The following ABCB11 variants were observed in gnomAD, a reference collection of about 807,000 sequenced individuals.
ABCB11 encodes the protein ATP binding cassette subfamily B member 11, also known as bile salt export pump.
Under a neutral mutation model 148.0 loss-of-function variants are expected in ABCB11, and 95 were observed. The ratio of observed to expected loss-of-function variants is 0.64; its 90% CI spans 0.54 to 0.76. The LOEUF (loss-of-function observed/expected upper bound fraction) is 0.76. ABCB11 is among the 30% of genes least tolerant of loss of function. The pLI is 0.00. For missense variants in ABCB11, 1,523 were observed against 1,617.8 expected (o/e 0.94, Z 1.01); for synonymous variants, 591 against 555.4 (o/e 1.06, Z -0.90).
chr2:169,010,720 G>A (rs6751775), intron 5 of ABCB11, among the ~76,000 whole-genome samples: 18,361 of 151,978 alleles, frequency 0.12, 1,778 homozygotes, highest in African/African-American at 0.27. Context: ...TCATAAGATC[G>A]CGGTGATCTT....
At chr2:168,928,460 G>A (rs909660232) in intron 25 of ABCB11, among the ~76,000 whole-genome samples, 5 of 151,366 alleles carry the variant, frequency 3.3e-5, no homozygotes, top group Admixed American at 6.6e-5. Context: ...GAGCAAAGAG[G>A]ACTTTGAAAA....
intron 17 of ABCB11, among the ~76,000 whole-genome samples, chr2:168,966,020 A>G (rs1167718967): frequency 6.6e-6 from 1 of 151,782 alleles, no homozygotes; most frequent in African/African-American, 2.4e-5. Context: ...CAGGCATTAA[A>G]CCACTCCTCA....
At chr2:169,006,668 G>T (rs1441826626) in intron 5 of ABCB11, among the ~76,000 whole-genome samples, 1 of 151,958 alleles carries the variant, frequency 6.6e-6, no homozygotes, top group Non-Finnish European at 1.5e-5. Flanking sequence ...ATCCTAAAGA[G>T]CCCACTAAAA....
At chr2:168,919,533 A>C (rs1408410876), downstream of ABCB11, among the ~76,000 whole-genome samples, 1 of 151,970 alleles carries the variant, frequency 6.6e-6, no homozygotes, top group African/African-American at 2.4e-5. Flanking sequence ...TCTCCTTCCT[A>C]ATCATCCTGG....
intron 19 of ABCB11, among the ~76,000 whole-genome samples, chr2:168,948,615 C>A (rs1692430323): frequency 6.6e-6 from 1 of 151,590 alleles, no homozygotes; most frequent in Admixed American, 6.6e-5. Context: ...ACAATCAATA[C>A]AGATCTGTCG....
chr2:168,972,001 C>G lies in ABCB11; in HGVS notation c.1484G>C (p.Arg495Thr). 1 of 1,612,968 alleles carries G rather than the reference C, an allele frequency of 6.2e-7. No individual in the cohort carries two copies. The highest frequency in any genetic ancestry group is 1.1e-5 in the South Asian group (1 of 91,060). ...TTGCTCCACTATCCCAATCTGATCTCTAAGCCACTGAATGTTAAGAGAGCG... is the reference window on the plus strand; with the variant it reads ...TTGCTCCACTATCCCAATCTGATCTGTAAGCCACTGAATGTTAAGAGAGCG... ...DIRSLNIQWL[R>T]DQIGIVEQEP... Residue 495 changes from arginine (R) to threonine (T), a missense_variant, in exon 14 of 28, where the codon AGA becomes ACA. Transcript: ENST00000650372.
rs1252746642 is a variant in ABCB11, at chr2:168,961,487, A to ATCTGTGATGCAGTTATGG, written c.2178+2718_2178+2719insCCATAACTGCATCACAGA. Among the ~76,000 whole-genome samples the ATCTGTGATGCAGTTATGG allele has an allele frequency of 4.6e-5, 7 of 151,858 alleles. No individual in the cohort carries two copies. In the East Asian group the frequency reaches 1.4e-3, roughly 30 times the overall value. Reference sequence around the variant, plus strand: ...ACCAATGCCTAAATCCTATCACATAAGTTATCTGTGATGCAGTTATGGGTG... The same window carrying ATCTGTGATGCAGTTATGG: ...ACCAATGCCTAAATCCTATCACATAATCTGTGATGCAGTTATGGGTTATCTGTGATGCAGTTATGGGTG... On this transcript the variant is annotated intron_variant, in intron 18 of 27. Coordinates refer to ENST00000650372, the MANE Select transcript of ABCB11 (RefSeq NM_003742.4).
intron 10 of ABCB11, among the ~76,000 whole-genome samples, chr2:168,983,352 A>C (rs1694198675): frequency 3.3e-5 from 5 of 152,186 alleles, no homozygotes; most frequent in Admixed American, 3.3e-4. Flanking sequence ...GAATTGGATC[A>C]ATAAAGACAA....
intron 1 of ABCB11, among the ~76,000 whole-genome samples, chr2:169,020,006 T>G (rs1446831944): frequency 1.3e-5 from 2 of 152,028 alleles, no homozygotes; most frequent in Non-Finnish European, 2.9e-5. Context: ...GAAACAAGGG[T>G]GAGCACAAGA....
chr2:168,961,003 G>T lies in ABCB11; in HGVS notation c.2179-2875C>A, dbSNP rs72886781. On this transcript the variant is annotated intron_variant, in intron 18 of 27. Coordinates refer to ENST00000650372, the MANE Select transcript of ABCB11 (RefSeq NM_003742.4). The stretch of plus-strand genomic sequence containing the variant: ...ATCATATGTAAAGAAATGCCTGTCA[G>T]CAGCTCCATAGTAGGGAGAGTAACA... 6.0e-3 allele frequency among the ~76,000 whole-genome samples: 905 copies of T among 151,786 alleles called. 9 individuals are homozygous for T. The highest frequency in any genetic ancestry group is 6.9e-3 in the Non-Finnish European group (466 of 67,750).
rs1337065478 is a variant in ABCB11 at position 168,922,225 on chromosome 2, GTTC to G, written c.*1394_*1396del. Among the ~76,000 whole-genome samples, 1 of 152,156 alleles carries G rather than the reference GTTC, an allele frequency of 6.6e-6. No individual in the cohort carries two copies. Among genetic ancestry groups the G allele is most frequent in the Non-Finnish European group, 1.5e-5 (1 of 68,018 alleles). The stretch of plus-strand genomic sequence containing the variant: ...TCCTGCCAGAAGAGAGGGGCTGGGA[GTTC>G]TTCTGTTCATACACAGCTTTACATT... On this transcript the variant is annotated 3_prime_UTR_variant, in exon 28 of 28. Coordinates refer to ENST00000650372, the MANE Select transcript of ABCB11 (RefSeq NM_003742.4).
chr2:169,021,586 C>T (rs1695540768), intron 1 of ABCB11, among the ~76,000 whole-genome samples: 1 of 151,820 alleles, frequency 6.6e-6, no homozygotes. Flanking sequence ...AATTAGAAAA[C>T]ATAAAAGCTT....
intron 23 of ABCB11, among the ~76,000 whole-genome samples, chr2:168,933,118 A>G (rs1213657647): frequency 6.6e-6 from 1 of 151,778 alleles, no homozygotes; most frequent in African/African-American, 2.4e-5. Context: ...CAAAAAAAAA[A>G]AAAAAGAAAA....
At chr2:169,021,918 T>C (rs983303499) in intron 1 of ABCB11, among the ~76,000 whole-genome samples, 5 of 152,010 alleles carry the variant, frequency 3.3e-5, no homozygotes, top group African/African-American at 1.2e-4. Context: ...ATATTGTTGT[T>C]ATTCTTAAGG....
chr2:168,947,998 G>T (rs888450191), intron 19 of ABCB11, among the ~76,000 whole-genome samples: 1 of 151,428 alleles, frequency 6.6e-6, no homozygotes, highest in African/African-American at 2.4e-5. Context: ...ATATCTTAGA[G>T]ATCATCTTTT....
At chr2:168,975,860 A>C (rs1214219310) in intron 12 of ABCB11, among the ~76,000 whole-genome samples, 5 of 144,104 alleles carry the variant, frequency 3.5e-5, no homozygotes, top group African/African-American at 1.3e-4. Flanking sequence ...TAGGCTAACA[A>C]AATGGGATTT....
At chr2:168,988,911 A>T (rs1419096381) in intron 9 of ABCB11, among the ~76,000 whole-genome samples, 2 of 151,756 alleles carry the variant, frequency 1.3e-5, no homozygotes, top group Admixed American at 1.3e-4. Context: ...TTCTTTTTGT[A>T]CGTTTCTATT....
intron 22 of ABCB11, among the ~76,000 whole-genome samples, chr2:168,935,911 A>G (rs472614): frequency 0.57 from 86,077 of 152,006 alleles, 24,592 homozygotes; most frequent in South Asian, 0.66. Context: ...TCACGGCCAG[A>G]AAACTGAACT....
chr2:169,006,522 A>G (rs28802954), intron 5 of ABCB11, among the ~76,000 whole-genome samples: 1 of 152,210 alleles, frequency 6.6e-6, no homozygotes, highest in South Asian at 2.1e-4. Flanking sequence ...TCAACATTGT[A>G]CTGGAGGTTT....
Sources: allele counts gnomAD v4.1 joint callset (sites outside exome capture counted in the v4.1 genomes callset), GRCh38; gene constraint gnomAD v4.1.1; transcripts MANE v1.5; gene names NCBI Gene and HGNC (gene_info 2026-07-23, HGNC 2026-07-21).